Variants in ANK1 observed in about 807,000 individuals in gnomAD.
ANK1 encodes ankyrin-1.
A neutral mutation model predicts 210.4 loss-of-function variants in ANK1; 51 were observed. The ratio of observed to expected loss-of-function variants is 0.24; its 90% CI spans 0.19 to 0.31. The LOEUF is 0.31. ANK1 is among the 10% of genes least tolerant of loss of function. The probability of loss-of-function intolerance (pLI) is 1.00; values close to 1 mark genes in which losing one functional copy is unlikely to be tolerated. For missense variants in ANK1, 2,051 were observed against 2,504.4 expected, an observed-to-expected ratio of 0.82 and a Z score of 3.86; for synonymous variants, 967 against 1,025.9, an observed-to-expected ratio of 0.94 and a Z score of 1.10.
At position 41,807,792 on chromosome 8, in the gene ANK1, A is replaced by G. The variant is rs1301276639; in HGVS notation, c.127-49655T>C. Among the ~76,000 whole-genome samples the G allele has an allele frequency of 2.0e-5, 3 of 152,158 alleles. 1 individual carries two copies. The highest frequency in any genetic ancestry group is 7.2e-5 in the African/African-American group (3 of 41,430). On this transcript the variant is annotated intron_variant, in intron 1 of 42. Transcript: ENST00000265709. The stretch of plus-strand genomic sequence containing the variant: ...GACGCTAGTTGAAGAAAGCCAGATC[A>G]TGTCTCCAAAACTTCCCTCTCTCCA...
intron 1 of ANK1, among the ~76,000 whole-genome samples, chr8:41,876,705 CG>C (rs1165546920): frequency 1.3e-5 from 2 of 152,306 alleles, no homozygotes; most frequent in Non-Finnish European, 2.9e-5. Flanking sequence ...CGATCCTAAT[CG>C]CACGTGTCAT....
At chr8:41,803,123 GGAAAGGAAAGGAAA>G (rs1170275548) in intron 1 of ANK1, among the ~76,000 whole-genome samples, 5 of 143,304 alleles carry the variant, frequency 3.5e-5, no homozygotes, top group Middle Eastern at 3.4e-3. Flanking sequence ...GGAAAGGAAA[GGAAAGGAAAGGAAA>G]GAAAGGAAAG....
intron 11 of ANK1, 102 bp downstream of exon 11, chr8:41,718,004 A>G: frequency 1.8e-6 from 2 of 1,119,722 alleles, no homozygotes; most frequent in Non-Finnish European, 2.6e-6. Flanking sequence ...GCAGACACAC[A>G]CACCCCTGCA....
intron 1 of ANK1, among the ~76,000 whole-genome samples, chr8:41,838,610 A>G (rs747646868): frequency 7.9e-5 from 12 of 151,146 alleles, no homozygotes; most frequent in Non-Finnish European, 1.5e-4. Flanking sequence ...TAGTAAAAAT[A>G]CAAAAATTAG....
intron 1 of ANK1, among the ~76,000 whole-genome samples, chr8:41,807,826 C>T (rs551510218): frequency 1.3e-5 from 2 of 151,380 alleles, no homozygotes; most frequent in African/African-American, 4.9e-5. Flanking sequence ...CAAGCATCTA[C>T]AAGGGGGAGC....
intron 1 of ANK1, among the ~76,000 whole-genome samples, chr8:41,845,328 G>A (rs562658433): frequency 6.6e-6 from 1 of 151,326 alleles, no homozygotes; most frequent in South Asian, 2.1e-4. Context: ...GGCAGAGGTT[G>A]TAGTTTGCCA....
At chr8:41,702,184 G>C in intron 20 of ANK1, 40 bp from the exon 21 acceptor site, 1 of 1,548,690 alleles carries the variant, frequency 6.5e-7, no homozygotes, top group Non-Finnish European at 8.9e-7. Context: ...GACAGGGGAT[G>C]GAGTCTAGGA....
rs768183148 is a variant in ANK1 at position 41,688,594 on chromosome 8, A to C, written c.4105-5T>G. The C allele has an allele frequency of 8.9e-5, 143 of 1,613,858 alleles. 1 individual carries two copies. The Middle Eastern group carries it at 9.9e-4, about 11-fold the overall frequency. ...CCTATCTTCGGCTCCACTTCCCTGC[A>C]GAAGAAGAAAGGGTGCTTTGGGTTT... is the stretch of plus-strand genomic sequence containing the variant. On this transcript the variant is annotated splice_polypyrimidine_tract_variant and splice_region_variant and intron_variant, in intron 33 of 42. Transcript: ENST00000289734.
chr8:41,803,039 A>AAGAG (rs752905346), intron 1 of ANK1, among the ~76,000 whole-genome samples: 5 of 68,894 alleles, frequency 7.3e-5, no homozygotes, highest in Non-Finnish European at 1.2e-4. Context: ...GAAAGAAAGA[A>AAGAG]AGAGAAAGAA....
At chr8:41,890,281 C>G (rs960109469) in intron 1 of ANK1, among the ~76,000 whole-genome samples, 1 of 152,190 alleles carries the variant, frequency 6.6e-6, no homozygotes, top group Non-Finnish European at 1.5e-5. Context: ...CTGATACATG[C>G]AAGAGCTCAA....
At chr8:41,832,569 T>C (rs924878196) in intron 1 of ANK1, among the ~76,000 whole-genome samples, 4 of 152,116 alleles carry the variant, frequency 2.6e-5, no homozygotes, top group Admixed American at 6.5e-5. Context: ...CAGAGCCAAG[T>C]GGAGTGACCC....
At chr8:41,767,194 C>T (rs1329864749) in intron 1 of ANK1, among the ~76,000 whole-genome samples, 1 of 152,006 alleles carries the variant, frequency 6.6e-6, no homozygotes, top group East Asian at 1.9e-4. Context: ...CCAGCGCGCG[C>T]ACCCGCACCC....
chr8:41,896,592 C>G (rs1820569072), exon 1 of ANK1: 1 of 1,328,592 alleles, frequency 7.5e-7, no homozygotes, highest in Non-Finnish European at 9.7e-7. Flanking sequence ...GAGGGGACAG[C>G]GTTCGTGGCG....
At chr8:41,712,507 T>G (rs1348017261) in intron 16 of ANK1, among the ~76,000 whole-genome samples, 1 of 152,180 alleles carries the variant, frequency 6.6e-6, no homozygotes, top group Non-Finnish European at 1.5e-5. Flanking sequence ...ACAAATGAAC[T>G]TCTGCAGGTG....
chr8:41,666,004 G>A (rs1810418793), intron 39 of ANK1, among the ~76,000 whole-genome samples: 1 of 152,212 alleles, frequency 6.6e-6, no homozygotes, highest in East Asian at 1.9e-4. Context: ...TCTAGATCAG[G>A]TTGTTCCTCT....
At position 41,694,724 on chromosome 8, in the gene ANK1, G is replaced by A. The variant is rs1402799907; in HGVS notation, c.3195C>T (p.Ile1065=). 1 of 1,614,150 alleles carries A rather than the reference G, an allele frequency of 6.2e-7. No homozygotes were observed. The highest frequency in any genetic ancestry group is 1.1e-5 in the South Asian group (1 of 91,078). ...ITTDFPLYFV[I]MSRLCQDYDT... The stretch of plus-strand genomic sequence containing the variant: ...CGTAGTCCTGGCAGAGCCGTGACAT[G>A]ATCACGAAGTACAGCGGGAAGTCGG... The change falls in exon 28 of 43, where the codon ATC becomes ATT. Residue 1065 remains isoleucine (I), a synonymous_variant. Transcript: ENST00000289734. This position sits in a 1 kb window ranked among gnomAD's most constrained non-coding sequence, Gnocchi z 5.7.
Position 41,756,532 on chromosome 8 carries a change from T to C in ANK1, c.129+1504A>G, listed in dbSNP as rs551803497. Among the ~76,000 whole-genome samples the C allele has an allele frequency of 3.3e-5, 5 of 151,682 alleles. No homozygotes were observed. The East Asian group carries it at 7.7e-4, about 24-fold the overall frequency. ...ATCTCGGCTCACTGCAACCTCCGCC[T>C]CCTGGGTTCAAGCAATTCTCCTGTC... On this transcript the variant is annotated intron_variant, in intron 2 of 42. Transcript: ENST00000289734.
intron 1 of ANK1, among the ~76,000 whole-genome samples, chr8:41,816,010 T>C (rs1348776731): frequency 6.6e-6 from 1 of 152,226 alleles, no homozygotes; most frequent in Non-Finnish European, 1.5e-5. Flanking sequence ...TTGGGAAACC[T>C]TTTTAAACAG....
At chr8:41,803,085 GAAGGAAAGGAAAGGAAAGGAAAGGA>G (rs199946467) in intron 1 of ANK1, among the ~76,000 whole-genome samples, 8 of 59,996 alleles carry the variant, frequency 1.3e-4, no homozygotes, top group African/African-American at 4.8e-4. Context: ...GGAAGGAAGG[GAAGGAAAGGAAAGGAAAGGAAAGGA>G]AAGGAAAGGA....
Sources: gnomAD v4.1 joint callset for allele counts (sites outside exome capture counted in the v4.1 genomes callset) on GRCh38, gnomAD v4.1.1 for gene constraint, Gnocchi (gnomAD v3.1) non-coding constraint, MANE v1.5 for transcripts, NCBI Gene and HGNC (gene_info 2026-07-23, HGNC 2026-07-21) for gene names.